MCMBP: variants seen among roughly 807,000 people sequenced by gnomAD.
MCMBP encodes minichromosome maintenance complex binding protein, also known as mini-chromosome maintenance complex-binding protein.
Under a neutral mutation model 81.3 loss-of-function variants are expected in MCMBP, and 31 were observed. The observed-to-expected ratio is 0.38, with a 90% CI of 0.29 to 0.51. The LOEUF (loss-of-function observed/expected upper bound fraction) is 0.51, where lower values mean the gene tolerates loss of function less well. MCMBP is among the 20% of genes least tolerant of loss of function. The pLI is 0.87. For missense variants in MCMBP, 645 were observed against 772.1 expected, an observed-to-expected ratio of 0.84 and a Z score of 1.95; for synonymous variants, 267 against 275.9, an observed-to-expected ratio of 0.97 and a Z score of 0.32.
chr10:119,867,817 A>C (rs1011158577), intron 1 of MCMBP, among the ~76,000 whole-genome samples: 1 of 152,174 alleles, frequency 6.6e-6, no homozygotes, highest in African/African-American at 2.4e-5. Flanking sequence ...TATAGCCTTA[A>C]TATAAATTAA....
chr10:119,831,727 A>G, intron 15 of MCMBP, 127 bp from the exon 16 acceptor site: 3 of 1,116,738 alleles, frequency 2.7e-6, no homozygotes, highest in Non-Finnish European at 3.7e-6. Context: ...TATGGTAGTT[A>G]CACACAAGTC....
At chr10:119,867,247 C>T (rs1253603644) in intron 1 of MCMBP, among the ~76,000 whole-genome samples, 2 of 124,872 alleles carry the variant, frequency 1.6e-5, no homozygotes, top group African/African-American at 6.2e-5. Context: ...GAGCCGAAAT[C>T]GCACCACTGC....
At chr10:119,832,516 G>C (rs576693627) in intron 14 of MCMBP, among the ~76,000 whole-genome samples, 36 of 152,242 alleles carry the variant, frequency 2.4e-4, no homozygotes, top group African/African-American at 8.2e-4. Flanking sequence ...TAAGAATGTT[G>C]AGCCTGGCAG....
chr10:119,833,759 A>T (rs956020571), intron 14 of MCMBP, among the ~76,000 whole-genome samples: 14 of 152,174 alleles, frequency 9.2e-5, no homozygotes, highest in African/African-American at 3.1e-4. Flanking sequence ...TCAGTAGAAA[A>T]CTGTCCCAGA....
At chr10:119,856,645 A>C (rs941574131) in intron 5 of MCMBP, among the ~76,000 whole-genome samples, 9 of 152,228 alleles carry the variant, frequency 5.9e-5, no homozygotes, top group African/African-American at 2.2e-4. Context: ...ACTGTGCATT[A>C]CCTTAAAATC....
At chr10:119,871,087 C>T (rs1853654607) in intron 1 of MCMBP, among the ~76,000 whole-genome samples, 1 of 152,106 alleles carries the variant, frequency 6.6e-6, no homozygotes, top group Non-Finnish European at 1.5e-5. Context: ...AATAAATAAA[C>T]TTTCTAATAT....
intron 13 of MCMBP, among the ~76,000 whole-genome samples, chr10:119,836,298 A>T (rs1054723909): frequency 1.3e-5 from 2 of 152,238 alleles, no homozygotes; most frequent in Admixed American, 1.3e-4. Flanking sequence ...CAATACTTGC[A>T]CACAGAAAAC....
chr10:119,839,456 T>TTTAGAGGAAAATTTA, intron 11 of MCMBP, among the ~76,000 whole-genome samples: 1 of 152,188 alleles, frequency 6.6e-6, no homozygotes, highest in Non-Finnish European at 1.5e-5. Flanking sequence ...AGGAGTTTTG[T>TTTAGAGGAAAATTTA]GTATTACCTC....
intron 6 of MCMBP, among the ~76,000 whole-genome samples, chr10:119,851,456 T>C (rs1220358221): frequency 6.6e-6 from 1 of 152,106 alleles, no homozygotes; most frequent in African/African-American, 2.4e-5. Flanking sequence ...TTATTTGAGA[T>C]GGAGTCTCTC....
intron 4 of MCMBP, among the ~76,000 whole-genome samples, chr10:119,858,426 C>T (rs2044757515): frequency 6.6e-6 from 1 of 152,094 alleles, no homozygotes; most frequent in African/African-American, 2.4e-5. Context: ...CTAAGTATAT[C>T]TGAAAGAGAA....
At chr10:119,873,247 CT>C (rs575958255), upstream of MCMBP, among the ~76,000 whole-genome samples, 1 of 151,958 alleles carries the variant, frequency 6.6e-6, no homozygotes, top group Non-Finnish European at 1.5e-5. Flanking sequence ...CCTTTTTTTT[CT>C]TTTTTTGCTG....
intron 13 of MCMBP, among the ~76,000 whole-genome samples, chr10:119,836,187 T>C (rs1852235229): frequency 6.6e-6 from 1 of 152,198 alleles, no homozygotes; most frequent in South Asian, 2.1e-4. Flanking sequence ...CAGAAATAAT[T>C]ATGAAAGCTT....
In MCMBP at chr10:119,843,400, A is replaced by G. The variant is rs772592977; in HGVS notation, c.854T>C (p.Met285Thr). 8.1e-6 allele frequency: 13 copies of G among 1,613,826 alleles called. No individual in the cohort carries two copies. In the African/African-American group the frequency reaches 1.7e-4, roughly 22 times the overall value. The change falls in exon 9 of 16, where the codon ATG (methionine) becomes ACG (threonine). Residue 285 changes from methionine to threonine, a missense_variant. Coordinates refer to ENST00000369077, the MANE Select transcript of MCMBP (RefSeq NM_001256378.2). The stretch of plus-strand genomic sequence containing the variant: ...CTCCTCTGCTGTGTCTGTGCACTCC[A>G]TCGGATCCAGCAGTGCAGAGGCATC... The part of the protein sequence containing the change: ...ERDASALLDP[M>T]ECTDTAEEQR...
At chr10:119,854,312 G>A (rs1284428657) in intron 5 of MCMBP, among the ~76,000 whole-genome samples, 4 of 151,512 alleles carry the variant, frequency 2.6e-5, no homozygotes, top group Non-Finnish European at 5.9e-5. Flanking sequence ...AAAGTGCTGG[G>A]ATTATAGGCA....
Position 119,853,046 on chromosome 10 carries a change from C to G in MCMBP, c.574+4G>C, listed in dbSNP as rs766774498. ...TCTAGAGAAAACCTGTTGGCACACA[C>G]TACCTGCTTGTCTGGCACCTGCATG... On this transcript the variant is annotated splice_donor_region_variant and intron_variant, in intron 6 of 15. Transcript: ENST00000369077. 6.2e-7 allele frequency: 1 copy of G among 1,614,050 alleles called. No homozygotes were observed. Among genetic ancestry groups the G allele is most frequent in the Non-Finnish European group, 8.5e-7 (1 of 1,179,958 alleles).
intron 6 of MCMBP, among the ~76,000 whole-genome samples, chr10:119,851,377 A>C (rs1302392130): frequency 2.0e-5 from 3 of 152,218 alleles, no homozygotes; most frequent in African/African-American, 7.2e-5. Context: ...AAGTGATAAG[A>C]GAATTAACAT....
chr10:119,830,054 TA>T lies in MCMBP; in HGVS notation c.*1419del. On this transcript the variant is annotated 3_prime_UTR_variant, in exon 16 of 16. Coordinates refer to ENST00000369077, the MANE Select transcript of MCMBP (RefSeq NM_001256378.2). ...ATAAAAATGAAAACCAGTTCAACTC[TA>T]ATATAAACATTATTTACATTTGTTT... The T allele has an allele frequency of 6.5e-6, 1 of 152,786 alleles. No homozygotes were observed. Among genetic ancestry groups the T allele is most frequent in the Non-Finnish European group, 1.5e-5 (1 of 68,040 alleles). 9.5% of individuals were successfully genotyped at this position (152,786 alleles called of 1,614,324 possible).
At chr10:119,836,779 TTTTTTTTTTTTTTTTAC>T in intron 13 of MCMBP, 100 bp downstream of exon 13, 4 of 239,054 alleles carry the variant, frequency 1.7e-5, no homozygotes, top group Non-Finnish European at 2.7e-5. Context: ...TTTTTTTTTT[TTTTTTTTTTTTTTTTAC>T]AACAAATGTA....
chr10:119,842,721 G>C (rs781184314), intron 9 of MCMBP, 126 bp from the exon 10 acceptor site: 1 of 973,826 alleles, frequency 1.0e-6, no homozygotes, highest in Non-Finnish European at 1.5e-6. Flanking sequence ...TAACATATCC[G>C]TCAGTAAGTG....
Sources: allele counts gnomAD v4.1 joint callset (sites outside exome capture counted in the v4.1 genomes callset), GRCh38; gene constraint gnomAD v4.1.1; transcripts MANE v1.5; gene names NCBI Gene and HGNC (gene_info 2026-07-23, HGNC 2026-07-21).